The following OTUD7B variants were observed in gnomAD, a reference collection of about 807,000 sequenced individuals.
OTUD7B encodes the protein OTU domain-containing protein 7B.
A neutral mutation model predicts 82.2 loss-of-function variants in OTUD7B; 34 were observed. The observed-to-expected ratio is 0.41, with a 90% CI of 0.31 to 0.55. The LOEUF (loss-of-function observed/expected upper bound fraction) is 0.55. OTUD7B is among the 20% of genes least tolerant of loss of function. The pLI, the probability that OTUD7B is intolerant of heterozygous loss-of-function variation, is 0.20. For synonymous variants in OTUD7B, 398 were observed against 402.7 expected, an observed-to-expected ratio of 0.99 and a Z score of 0.14; for missense variants, 944 against 1,062.1, an observed-to-expected ratio of 0.89 and a Z score of 1.55.
upstream of OTUD7B, among the ~76,000 whole-genome samples, chr1:150,014,681 G>A (rs976115277): frequency 3.3e-5 from 5 of 152,014 alleles, no homozygotes; most frequent in African/African-American, 1.2e-4. Context: ...AATGAATCTT[G>A]GACTCATTTG....
rs1467189584 is a variant in OTUD7B at position 149,954,198 on chromosome 1, CTTA to C, written c.846-3980_846-3978del. On this transcript the variant is annotated intron_variant, in intron 7 of 11. Transcript: ENST00000581312. ...GGCTGTGGGTTTGTCATAAATAGCT[CTTA>C]TTATTTTGAGATACGTCCCATCAAT... Among the ~76,000 whole-genome samples, 4 of 152,196 alleles carry C rather than the reference CTTA, an allele frequency of 2.6e-5. No individual in the cohort carries two copies. In the East Asian group the frequency reaches 7.7e-4, roughly 29 times the overall value.
chr1:150,066,297 A>G, the OTUD7B span, among the ~76,000 whole-genome samples: 2 of 152,212 alleles, frequency 1.3e-5, no homozygotes, highest in African/African-American at 4.8e-5. The surrounding 1 kb of genome is among the most constrained non-coding windows in gnomAD (Gnocchi z 4.6). Flanking sequence ...GAATGTTCAT[A>G]TAACATTTCT....
chr1:150,042,103 G>A, the OTUD7B span, among the ~76,000 whole-genome samples: 36 of 78,376 alleles, frequency 4.6e-4, no homozygotes, highest in Non-Finnish European at 9.0e-4. Flanking sequence ...CAGAGGTGCA[G>A]ACCCTCCCTC....
the OTUD7B span, among the ~76,000 whole-genome samples, chr1:150,060,912 T>G: frequency 6.6e-6 from 1 of 152,252 alleles, no homozygotes; most frequent in Admixed American, 6.5e-5. Flanking sequence ...ATTTATTTTT[T>G]CTCTTTTCTT....
At chr1:150,001,086 T>G (rs1020101787) in intron 1 of OTUD7B, among the ~76,000 whole-genome samples, 1 of 152,142 alleles carries the variant, frequency 6.6e-6, no homozygotes, top group South Asian at 2.1e-4. Context: ...AGTCATTTCT[T>G]GAGAAAGAGG....
chr1:150,001,945 TCTC>T (rs1276862855), intron 1 of OTUD7B, among the ~76,000 whole-genome samples: 2 of 152,080 alleles, frequency 1.3e-5, no homozygotes, highest in African/African-American at 4.8e-5. Context: ...CCTGTTCTGT[TCTC>T]CTCCAGCAAA....
chr1:150,043,290 G>GT, the OTUD7B span, among the ~76,000 whole-genome samples: 1 of 152,090 alleles, frequency 6.6e-6, no homozygotes, highest in African/African-American at 2.4e-5. Context: ...GATCAACTAG[G>GT]TAAAAAGGTG....
chr1:150,036,119 A>ATT, the OTUD7B span, among the ~76,000 whole-genome samples: 1 of 151,650 alleles, frequency 6.6e-6, no homozygotes, highest in Non-Finnish European at 1.5e-5. Flanking sequence ...CACCTGGTTA[A>ATT]TTTTTGTATT....
the OTUD7B span, among the ~76,000 whole-genome samples, chr1:150,044,245 T>C: frequency 8.6e-5 from 13 of 151,956 alleles, no homozygotes; most frequent in Non-Finnish European, 1.2e-4. Context: ...TCTTGCTCCA[T>C]AGCCCAGGCT....
chr1:150,057,097 GAGA>G, the OTUD7B span, among the ~76,000 whole-genome samples: 1 of 152,156 alleles, frequency 6.6e-6, no homozygotes, highest in African/African-American at 2.4e-5. Context: ...CCATGATATT[GAGA>G]AGGCTACATC....
chr1:149,978,155 GAGTTGACT>G (rs587605555), intron 1 of OTUD7B, among the ~76,000 whole-genome samples: 172 of 152,326 alleles, frequency 1.1e-3, no homozygotes, highest in Middle Eastern at 3.4e-3. Context: ...GATAATTTCA[GAGTTGACT>G]AGTGTTTTGA....
At chr1:149,990,066 A>G (rs1189194983) in intron 1 of OTUD7B, among the ~76,000 whole-genome samples, 1 of 152,234 alleles carries the variant, frequency 6.6e-6, no homozygotes, top group Non-Finnish European at 1.5e-5. Flanking sequence ...TTGGTCTACC[A>G]TCTACCAGGC....
At chr1:149,983,432 A>G (rs16832341) in intron 1 of OTUD7B, among the ~76,000 whole-genome samples, 1 of 152,094 alleles carries the variant, frequency 6.6e-6, no homozygotes, top group Non-Finnish European at 1.5e-5. Context: ...ATATTTTCAC[A>G]AACAATTATA....
At chr1:150,059,905 T>C in the OTUD7B span, among the ~76,000 whole-genome samples, 1 of 152,178 alleles carries the variant, frequency 6.6e-6, no homozygotes, top group African/African-American at 2.4e-5. Flanking sequence ...CAGACCAATA[T>C]GAATTACATG....
chr1:149,965,833 A>C lies in OTUD7B; in HGVS notation c.548T>G (p.Leu183Arg). 2 of 1,614,170 alleles carry C rather than the reference A, an allele frequency of 1.2e-6. No homozygotes were observed. Among genetic ancestry groups the C allele is most frequent in the Non-Finnish European group, 1.7e-6 (2 of 1,179,998 alleles). Residue 183 changes from leucine (L) to arginine (R), a missense_variant, in exon 5 of 12, where the codon CTG (leucine) becomes CGG (arginine). This residue lies in a region of OTUD7B where 530 missense variants were observed against 625.6 expected (regional missense o/e 0.85). Transcript: ENST00000581312. ...WVSVDPTSQR[L>R]LPLATTGDGN... is the part of the protein sequence containing the mutation. ...ATCTCCAGTAGTTGCCAAAGGAAGC[A>C]GCCTCTGAGAGGTGGGATCCACACT...
chr1:149,989,451 T>G (rs1180270105), intron 1 of OTUD7B, among the ~76,000 whole-genome samples: 4 of 126,656 alleles, frequency 3.2e-5, no homozygotes, highest in Admixed American at 9.2e-5. Context: ...CCAGCCTGGG[T>G]GACAGAGTGA....
intron 1 of OTUD7B, among the ~76,000 whole-genome samples, chr1:149,998,902 A>G (rs1652089803): frequency 6.6e-6 from 1 of 152,232 alleles, no homozygotes; most frequent in South Asian, 2.1e-4. Flanking sequence ...GCTATATGAT[A>G]TTAGATATAC....
rs142417132 is a variant in OTUD7B at position 149,977,269 on chromosome 1, T to G, written c.85+157A>C. On this transcript the variant is annotated intron_variant, in intron 2 of 11. Coordinates refer to ENST00000581312, the MANE Select transcript of OTUD7B (RefSeq NM_020205.4). ...GAAAAAGGGATTTTAAAATTTCTAA[T>G]TATGACGGGTTATACACAAAGTATA... is the stretch of plus-strand genomic sequence containing the variant. 3.9e-4 allele frequency among the ~76,000 whole-genome samples: 59 copies of G among 152,364 alleles called. 3 individuals are homozygous for G. In the East Asian group the frequency reaches 0.011, roughly 29 times the overall value.
chr1:149,955,136 G>T (rs1191021348), intron 7 of OTUD7B, among the ~76,000 whole-genome samples: 3 of 151,940 alleles, frequency 2.0e-5, no homozygotes, highest in Non-Finnish European at 4.4e-5. Context: ...GTGATGTTAG[G>T]GTGTCAATTT....
Sources: gnomAD v4.1 joint callset for allele counts (sites outside exome capture counted in the v4.1 genomes callset) on GRCh38, gnomAD v4.1.1 for gene constraint, gnomAD v4.1.1 regional missense constraint, Gnocchi (gnomAD v3.1) non-coding constraint, MANE v1.5 for transcripts, NCBI Gene and HGNC (gene_info 2026-07-23, HGNC 2026-07-21) for gene names.